EDNRA: variants seen among roughly 807,000 people sequenced by gnomAD.
EDNRA encodes the protein endothelin-1 receptor.
In EDNRA, 11 loss-of-function variants were observed where a neutral mutation model predicts 41.4. The observed-to-expected ratio is 0.27, with a 90% CI of 0.17 to 0.44. The LOEUF (loss-of-function observed/expected upper bound fraction) is 0.44. EDNRA is among the 20% of genes least tolerant of loss of function. The pLI is 1.00. For missense variants in EDNRA, 294 were observed against 531.0 expected (o/e 0.55, Z 4.39); for synonymous variants, 172 against 183.0 (o/e 0.94, Z 0.49).
At chr4:147,509,257 G>A (rs1252854609) in intron 2 of EDNRA, among the ~76,000 whole-genome samples, 2 of 152,196 alleles carry the variant, frequency 1.3e-5, no homozygotes, top group African/African-American at 4.8e-5. Context: ...GTGTGATGGT[G>A]AAGAGTACAA....
chr4:147,540,302 C>A, intron 6 of EDNRA, 75 bp from the exon 7 acceptor site: 1 of 1,218,344 alleles, frequency 8.2e-7, no homozygotes, highest in Non-Finnish European at 1.1e-6. Flanking sequence ...AATGCTTATT[C>A]TAGGAAGAAA....
intron 1 of EDNRA, among the ~76,000 whole-genome samples, chr4:147,481,875 C>A (rs950126521): frequency 6.6e-6 from 1 of 152,182 alleles, no homozygotes; most frequent in African/African-American, 2.4e-5. Flanking sequence ...TTTGGGGAAA[C>A]CCCCTGTGTA....
At chr4:147,484,547 G>T (rs1728878924) in intron 1 of EDNRA, among the ~76,000 whole-genome samples, 1 of 152,216 alleles carries the variant, frequency 6.6e-6, no homozygotes, top group East Asian at 1.9e-4. Context: ...TTGAACCGTG[G>T]ATCTACCCCA....
chr4:147,525,365 G>T (rs1730499936), intron 3 of EDNRA, among the ~76,000 whole-genome samples: 1 of 152,014 alleles, frequency 6.6e-6, no homozygotes. Flanking sequence ...CACATCCTTG[G>T]TCATTTGAGA....
chr4:147,537,096 T>G (rs1271313137), intron 5 of EDNRA, among the ~76,000 whole-genome samples: 8 of 152,346 alleles, frequency 5.3e-5, no homozygotes, highest in African/African-American at 1.7e-4. Context: ...AAAGTTAATG[T>G]GAGTTGTTGA....
At chr4:147,509,253 T>C (rs149650243) in intron 2 of EDNRA, among the ~76,000 whole-genome samples, 95 of 152,328 alleles carry the variant, frequency 6.2e-4, no homozygotes, top group African/African-American at 2.1e-3. Flanking sequence ...GAATGTGTGA[T>C]GGTGAAGAGT....
At position 147,500,027 on chromosome 4, in the gene EDNRA, A is replaced by T. The variant is rs561744170; in HGVS notation, c.420+13926A>T. On this transcript the variant is annotated intron_variant, in intron 2 of 7. Coordinates refer to ENST00000651419, the MANE Select transcript of EDNRA (RefSeq NM_001957.4). ...ACCGTGTTGGCCAGGCTGATCTCGAACTCCTGATCTCAGGTGGTCTGCCCG... is the reference window on the plus strand; with the variant it reads ...ACCGTGTTGGCCAGGCTGATCTCGATCTCCTGATCTCAGGTGGTCTGCCCG... 3.0e-4 allele frequency among the ~76,000 whole-genome samples: 45 copies of T among 150,982 alleles called. No homozygotes were observed. The East Asian group carries it at 8.6e-3, about 29-fold the overall frequency.
intron 2 of EDNRA, among the ~76,000 whole-genome samples, chr4:147,505,326 CATTTTT>C (rs1729661698): frequency 1.2e-5 from 1 of 81,998 alleles, no homozygotes; most frequent in African/African-American, 5.4e-5. Flanking sequence ...TTTCTTTTTT[CATTTTT>C]TTTTTTTTTT....
At chr4:147,538,816 T>G (rs532679421) in intron 5 of EDNRA, among the ~76,000 whole-genome samples, 10 of 152,302 alleles carry the variant, frequency 6.6e-5, no homozygotes, top group Non-Finnish European at 1.3e-4. Context: ...GAGTTTATTG[T>G]AGGCTTCCCG....
chr4:147,528,461 G>A (rs1186729185), intron 3 of EDNRA, among the ~76,000 whole-genome samples: 3 of 151,064 alleles, frequency 2.0e-5, no homozygotes, highest in Middle Eastern at 3.4e-3. Flanking sequence ...TGGGCTCAGG[G>A]GATCCTCCCA....
chr4:147,482,904 A>T (rs1190572550), intron 1 of EDNRA, among the ~76,000 whole-genome samples: 1 of 152,260 alleles, frequency 6.6e-6, no homozygotes, highest in Non-Finnish European at 1.5e-5. Context: ...AGCCGACTGT[A>T]ACCGGCAGAG....
intron 2 of EDNRA, among the ~76,000 whole-genome samples, chr4:147,499,575 T>C (rs1435721652): frequency 4.6e-5 from 7 of 152,206 alleles, no homozygotes. Flanking sequence ...TCACATGTTT[T>C]CTAATCAAAA....
intron 2 of EDNRA, among the ~76,000 whole-genome samples, chr4:147,500,674 C>T (rs748571067): frequency 6.6e-6 from 1 of 151,228 alleles, no homozygotes; most frequent in Non-Finnish European, 1.5e-5. Flanking sequence ...ATTGCTCCCA[C>T]TGCACTCCAG....
At chr4:147,483,708 A>G (rs1402548521) in intron 1 of EDNRA, among the ~76,000 whole-genome samples, 8 of 149,054 alleles carry the variant, frequency 5.4e-5, no homozygotes. Flanking sequence ...TTTATTTTTT[A>G]CTTTTTATTT....
intron 1 of EDNRA, among the ~76,000 whole-genome samples, chr4:147,485,001 A>G (rs956366478): frequency 6.6e-6 from 1 of 152,230 alleles, no homozygotes; most frequent in Non-Finnish European, 1.5e-5. Flanking sequence ...GACAGCACAC[A>G]TTTTAGAAGA....
chr4:147,493,556 A>G (rs1729210744), intron 2 of EDNRA: 1 of 152,202 alleles, frequency 6.6e-6, no homozygotes. Flanking sequence ...CAGAAATTCT[A>G]CAACTGCCTT....
Position 147,544,867 on chromosome 4 carries a change from C to T in EDNRA, c.*2249C>T, listed in dbSNP as rs201340754. 6.6e-6 allele frequency: 1 copy of T among 152,604 alleles called. No individual in the cohort carries two copies. The highest frequency in any genetic ancestry group is 1.5e-5 in the Non-Finnish European group (1 of 68,028). 9.5% of individuals were successfully genotyped at this position (152,604 alleles called of 1,614,324 possible). The stretch of plus-strand genomic sequence containing the variant: ...TTCTACCTTTACTACATCTTTTCAA[C>T]AAGTAACTTTGTAGAAATGAGCCAG... On this transcript the variant is annotated 3_prime_UTR_variant, in exon 8 of 8. Transcript: ENST00000651419.
chr4:147,485,556 A>C (rs949045237), intron 1 of EDNRA, 56 bp from the exon 2 acceptor site: 1 of 1,004,954 alleles, frequency 1.0e-6, no homozygotes, highest in Admixed American at 2.7e-5. Flanking sequence ...ATCATTGACT[A>C]TGATCTTTTT....
intron 3 of EDNRA, among the ~76,000 whole-genome samples, chr4:147,527,129 C>A (rs1730582827): frequency 6.6e-6 from 1 of 152,166 alleles, no homozygotes; most frequent in Non-Finnish European, 1.5e-5. Flanking sequence ...ATAATAAATT[C>A]TAACACAGGC....
Sources: gnomAD v4.1 joint callset for allele counts (sites outside exome capture counted in the v4.1 genomes callset) on GRCh38, gnomAD v4.1.1 for gene constraint, MANE v1.5 for transcripts, NCBI Gene and HGNC (gene_info 2026-07-23, HGNC 2026-07-21) for gene names.